GPC5: variants seen among roughly 807,000 people sequenced by gnomAD.
GPC5 encodes the protein glypican-5.
Under a neutral mutation model 53.9 loss-of-function variants are expected in GPC5, and 47 were observed. The observed-to-expected ratio is 0.87, with a 90% confidence interval of 0.69 to 1.11. GPC5 has a LOEUF of 1.11. Ranked by LOEUF, GPC5 falls within the 50% of genes most tolerant of loss-of-function variation. The pLI is 0.00. For synonymous variants in GPC5, 286 were observed against 263.3 expected (o/e 1.09, Z -0.84); for missense variants, 748 against 713.1 (o/e 1.05, Z -0.56).
At chr13:92,504,836 A>G (rs1264643240) in intron 7 of GPC5, among the ~76,000 whole-genome samples, 3 of 151,984 alleles carry the variant, frequency 2.0e-5, no homozygotes, top group Non-Finnish European at 2.9e-5. Context: ...TTAGCTCTAA[A>G]TTGATCATAG....
At chr13:92,831,455 C>G (rs115348113) in intron 7 of GPC5, among the ~76,000 whole-genome samples, 1,735 of 152,168 alleles carry the variant, frequency 0.011, 40 homozygotes, top group African/African-American at 0.04. Context: ...AACTAAGAAT[C>G]CTCCTCTTAC....
At chr13:92,047,166 G>T (rs1486388463) in intron 6 of GPC5, among the ~76,000 whole-genome samples, 1 of 152,002 alleles carries the variant, frequency 6.6e-6, no homozygotes, top group Admixed American at 6.6e-5. Context: ...CAGAATGAAG[G>T]GAAAGAAAAG....
chr13:91,680,125 A>G (rs2035473166), intron 2 of GPC5, among the ~76,000 whole-genome samples: 1 of 152,152 alleles, frequency 6.6e-6, no homozygotes, highest in East Asian at 1.9e-4. Flanking sequence ...ACTTACATCC[A>G]TCACCATGAC....
chr13:91,832,253 G>T lies in GPC5; in HGVS notation c.1281-75684G>T, dbSNP rs561444209. Among the ~76,000 whole-genome samples, 3 of 149,218 alleles carry T rather than the reference G, an allele frequency of 2.0e-5. No homozygotes were observed. In the South Asian group the frequency reaches 6.4e-4, roughly 32 times the overall value. Reference sequence around the variant, plus strand: ...TTCTTTGTCTCTTTTAATCTTTGTTGGTTTAAAGTCTTATCAGAGGCTAGG... The same window carrying T: ...TTCTTTGTCTCTTTTAATCTTTGTTTGTTTAAAGTCTTATCAGAGGCTAGG... On this transcript the variant is annotated intron_variant, in intron 5 of 7. Transcript: ENST00000377067.
intron 7 of GPC5, among the ~76,000 whole-genome samples, chr13:92,801,475 TAATA>T (rs1876904475): frequency 1.3e-5 from 2 of 151,854 alleles, no homozygotes; most frequent in Admixed American, 6.6e-5. Flanking sequence ...TATTTGATAA[TAATA>T]AATGACTATA....
At chr13:92,644,813 T>TA (rs1280662974) in intron 7 of GPC5, among the ~76,000 whole-genome samples, 16 of 151,882 alleles carry the variant, frequency 1.1e-4, no homozygotes, top group African/African-American at 3.6e-4. Flanking sequence ...TGGAGAATTA[T>TA]AAAAATTGTG....
intron 7 of GPC5, among the ~76,000 whole-genome samples, chr13:92,159,369 C>T (rs73620873): frequency 0.012 from 1,823 of 152,168 alleles, 53 homozygotes; most frequent in African/African-American, 0.041. Flanking sequence ...CTAGGATAAA[C>T]CCGTTGAAGG....
intron 7 of GPC5, among the ~76,000 whole-genome samples, chr13:92,394,232 A>G (rs1326056909): frequency 3.9e-5 from 6 of 152,192 alleles, no homozygotes; most frequent in Admixed American, 6.5e-5. Context: ...ATGAAAGCCT[A>G]CTAAAATTGT....
intron 6 of GPC5, among the ~76,000 whole-genome samples, chr13:92,084,123 G>A (rs562025264): frequency 6.6e-6 from 1 of 152,246 alleles, no homozygotes; most frequent in African/African-American, 2.4e-5. Context: ...GACCTATCCG[G>A]TGGGCTGGAG....
At chr13:92,265,005 G>T (rs2042793507) in intron 7 of GPC5, among the ~76,000 whole-genome samples, 1 of 151,318 alleles carries the variant, frequency 6.6e-6, no homozygotes, top group African/African-American at 2.4e-5. Context: ...GGGCATGAAT[G>T]GTGAGGTCCC....
rs1566515855 is a variant in GPC5, at chr13:91,571,870, T to TATACAC, written c.326-121314_326-121313insCACATA. 9.6e-4 allele frequency among the ~76,000 whole-genome samples: 97 copies of TATACAC among 100,660 alleles called. 10 individuals are homozygous for TATACAC. The highest frequency in any genetic ancestry group is 3.4e-3 in the African/African-American group (90 of 26,364). 66.0% of individuals were successfully genotyped at this position (100,660 alleles called of 152,430 possible). The stretch of plus-strand genomic sequence containing the variant: ...GTATATACACATATACGTGTGTGTA[T>TATACAC]ATATACACACATATACGTGTGTATA... On this transcript the variant is annotated intron_variant, in intron 2 of 7. Coordinates refer to ENST00000377067, the MANE Select transcript of GPC5 (RefSeq NM_004466.6).
In GPC5 at chr13:91,895,252, C is replaced by T. The variant is rs555810840; in HGVS notation, c.1281-12685C>T. Among the ~76,000 whole-genome samples the T allele has an allele frequency of 1.6e-3, 249 of 152,156 alleles. 3 individuals are homozygous for T. Among genetic ancestry groups the T allele is most frequent in the African/African-American group, 5.6e-3 (234 of 41,508 alleles). On this transcript the variant is annotated intron_variant, in intron 5 of 7. Transcript: ENST00000377067. ...ACTTCTGGACACCATTTATGACAAG[C>T]TTTAGAGAGAGGGTCTCTAATATAA...
At chr13:91,787,875 C>A (rs2037903053) in intron 5 of GPC5, among the ~76,000 whole-genome samples, 1 of 152,150 alleles carries the variant, frequency 6.6e-6, no homozygotes, top group Admixed American at 6.5e-5. Context: ...ACAGTACTTA[C>A]ATTTAAAATA....
chr13:92,351,376 A>G (rs1401862464), intron 7 of GPC5, among the ~76,000 whole-genome samples: 2 of 151,736 alleles, frequency 1.3e-5, no homozygotes, highest in African/African-American at 4.8e-5. Flanking sequence ...CTTAATGCAT[A>G]TTTATTAAAA....
chr13:91,839,355 AC>A (rs1566296412), intron 5 of GPC5, among the ~76,000 whole-genome samples: 3 of 152,092 alleles, frequency 2.0e-5, no homozygotes, highest in Non-Finnish European at 2.9e-5. Context: ...TTACACCCTC[AC>A]TGGCAATCCA....
chr13:91,614,777 C>G (rs548015078), intron 2 of GPC5, among the ~76,000 whole-genome samples: 1 of 152,066 alleles, frequency 6.6e-6, no homozygotes, highest in Non-Finnish European at 1.5e-5. Context: ...AAGCTTTCAC[C>G]GATGTTTATA....
chr13:91,792,916 A>G (rs2037990055), intron 5 of GPC5, among the ~76,000 whole-genome samples: 1 of 152,126 alleles, frequency 6.6e-6, no homozygotes, highest in African/African-American at 2.4e-5. Flanking sequence ...TGTAATGTGG[A>G]CAGATGACCC....
intron 4 of GPC5, among the ~76,000 whole-genome samples, chr13:91,733,675 T>A (rs1254016803): frequency 6.6e-6 from 1 of 152,172 alleles, no homozygotes; most frequent in Non-Finnish European, 1.5e-5. Context: ...TGCACAATGA[T>A]TTTTTTATCC....
intron 7 of GPC5, among the ~76,000 whole-genome samples, chr13:92,216,082 G>GA (rs1321783226): frequency 6.6e-6 from 1 of 152,118 alleles, no homozygotes. Context: ...CTAAAGGACA[G>GA]AAAAACATCA....
Sources: gnomAD v4.1 joint callset for allele counts (sites outside exome capture counted in the v4.1 genomes callset) on GRCh38, gnomAD v4.1.1 for gene constraint, MANE v1.5 for transcripts, NCBI Gene and HGNC (gene_info 2026-07-23, HGNC 2026-07-21) for gene names.